NPAT: variants seen among roughly 807,000 people sequenced by gnomAD.
NPAT encodes protein NPAT.
Under a neutral mutation model 130.7 loss-of-function variants are expected in NPAT, and 52 were observed. The ratio of observed to expected loss-of-function variants is 0.40; its 90% CI spans 0.32 to 0.50. NPAT has a LOEUF of 0.50. Ranked by LOEUF, NPAT falls within the 20% of genes least tolerant of loss-of-function variation. The probability of loss-of-function intolerance (pLI) is 0.68; values close to 1 mark genes in which losing one functional copy is unlikely to be tolerated. For synonymous variants in NPAT, 580 were observed against 584.8 expected, an observed-to-expected ratio of 0.99 and a Z score of 0.12; for missense variants, 1,687 against 1,662.6, an observed-to-expected ratio of 1.01 and a Z score of -0.26.
chr11:108,166,695 T>C (rs1231919130), intron 15 of NPAT, among the ~76,000 whole-genome samples: 1 of 152,218 alleles, frequency 6.6e-6, no homozygotes, highest in Admixed American at 6.5e-5. Context: ...ACTGTGGCTC[T>C]GCAATATTTT....
At chr11:108,159,752 T>C (rs978746803) in intron 17 of NPAT, among the ~76,000 whole-genome samples, 4 of 152,156 alleles carry the variant, frequency 2.6e-5, no homozygotes, top group African/African-American at 9.7e-5. Context: ...GGCTCATGCT[T>C]GTAATCCCAG....
At chr11:108,171,396 TAC>T (rs2077949669) in intron 13 of NPAT, 1 of 151,900 alleles carries the variant, frequency 6.6e-6, no homozygotes, top group Non-Finnish European at 1.5e-5. Flanking sequence ...GTGCTGGGAT[TAC>T]AGTCATGAGC....
At chr11:108,169,892 AG>A (rs751580411) in intron 14 of NPAT, 35 bp downstream of exon 14, 1 of 1,609,702 alleles carries the variant, frequency 6.2e-7, no homozygotes, top group South Asian at 1.1e-5. Flanking sequence ...AAGCTTGAAA[AG>A]CATCACCACA....
In NPAT at chr11:108,222,500, C is replaced by A; in HGVS notation, c.37G>T (p.Gly13Cys). ...CCCTCCATCCCGCGTCCGCGCTTACCCAATACAAGCCGGGCTACGTCCGAG... is the reference window on the plus strand; with the variant it reads ...CCCTCCATCCCGCGTCCGCGCTTACACAATACAAGCCGGGCTACGTCCGAG... ...LPSDVARLVL[G>C]YLQQENLIST... Residue 13 changes from glycine (G) to cysteine (C), a missense_variant and splice_region_variant, in exon 1 of 18, where the codon GGT becomes TGT. By Grantham distance (159) the Gly-to-Cys change is radical. Transcript: ENST00000278612. The A allele has an allele frequency of 6.2e-7, 1 of 1,613,772 alleles. No individual in the cohort carries two copies. Among genetic ancestry groups the A allele is most frequent in the Non-Finnish European group, 8.5e-7 (1 of 1,179,848 alleles).
chr11:108,202,429 C>T (rs2078283287), intron 1 of NPAT, among the ~76,000 whole-genome samples: 1 of 152,126 alleles, frequency 6.6e-6, no homozygotes, highest in African/African-American at 2.4e-5. Context: ...CCTCAATATT[C>T]TCCTGTGGAA....
intron 1 of NPAT, among the ~76,000 whole-genome samples, chr11:108,211,207 A>G (rs1034763175): frequency 2.0e-5 from 3 of 151,396 alleles, no homozygotes; most frequent in African/African-American, 7.3e-5. Context: ...AGAGTGAGAC[A>G]CCGTCTAAAA....
chr11:108,214,119 C>T (rs2134900562), intron 1 of NPAT, among the ~76,000 whole-genome samples: 1 of 152,266 alleles, frequency 6.6e-6, no homozygotes, highest in East Asian at 1.9e-4. Context: ...TGGTCTCGCT[C>T]CCCTGGCTTC....
chr11:108,205,610 C>T (rs138251697), intron 1 of NPAT, among the ~76,000 whole-genome samples: 91 of 152,252 alleles, frequency 6.0e-4, no homozygotes, highest in Non-Finnish European at 9.7e-4. Flanking sequence ...CAAACTAAAA[C>T]TTTAAAAATT....
At chr11:108,169,475 T>C (rs1331504126) in intron 15 of NPAT, among the ~76,000 whole-genome samples, 1 of 152,072 alleles carries the variant, frequency 6.6e-6, no homozygotes, top group Non-Finnish European at 1.5e-5. Flanking sequence ...TTGGGAAAAA[T>C]AGGGACTATA....
At chr11:108,186,305 T>C (rs1177802790) in intron 8 of NPAT, among the ~76,000 whole-genome samples, 177 bp downstream of exon 8, 4 of 152,142 alleles carry the variant, frequency 2.6e-5, no homozygotes, top group African/African-American at 4.8e-5. Flanking sequence ...GTGTTTGCCA[T>C]AGCACCTGGC....
intron 1 of NPAT, among the ~76,000 whole-genome samples, chr11:108,205,273 CT>C (rs2078315107): frequency 6.6e-6 from 1 of 152,132 alleles, no homozygotes; most frequent in African/African-American, 2.4e-5. Context: ...ATTTTCTTTT[CT>C]TTTTGAGACA....
In NPAT at chr11:108,161,869, C is replaced by A; in HGVS notation, c.3217G>T (p.Val1073Leu). The stretch of plus-strand genomic sequence containing the variant: ...TGGTTTGGCCCCTGCGTATTTGCCA[C>A]AGGAGCAGTAGTGCTGTCGAAACAG... ...VLCFDSTTAPVANTQGPNHKM... is the reference protein window; with the variant it reads ...VLCFDSTTAPLANTQGPNHKM... Residue 1073 changes from valine to leucine, a missense_variant, in exon 17 of 18, where the codon GTG (valine) becomes TTG (leucine). Coordinates refer to ENST00000278612, the MANE Select transcript of NPAT (RefSeq NM_002519.3). 2 of 1,614,116 alleles carry A rather than the reference C, an allele frequency of 1.2e-6. No individual in the cohort carries two copies. The highest frequency in any genetic ancestry group is 1.7e-6 in the Non-Finnish European group (2 of 1,180,022).
intron 5 of NPAT, 32 bp downstream of exon 5, chr11:108,190,428 A>C (rs770496668): frequency 7.0e-6 from 11 of 1,577,632 alleles, no homozygotes; most frequent in Non-Finnish European, 9.6e-6. Context: ...GTTTGAAGTA[A>C]TTGTGAACAT....
chr11:108,175,997 AG>A (rs2078001980), intron 12 of NPAT, among the ~76,000 whole-genome samples: 1 of 152,190 alleles, frequency 6.6e-6, no homozygotes, highest in Non-Finnish European at 1.5e-5. Flanking sequence ...GGATGACAAG[AG>A]GGAGACCTTG....
intron 1 of NPAT, among the ~76,000 whole-genome samples, chr11:108,221,058 C>G (rs1471478612): frequency 6.6e-6 from 1 of 152,204 alleles, no homozygotes; most frequent in African/African-American, 2.4e-5. Flanking sequence ...AATACTCACA[C>G]ATCGATGTGA....
chr11:108,173,749 T>C lies in NPAT; in HGVS notation c.1235A>G (p.Asp412Gly), dbSNP rs1003376449. ...SNNHDVLRQE[D>G]QENFSQISTS... ...ACTTATTTGGGAAAAATTTTCCTGG[T>C]CTTCTTGTCTAAGCACATCATGGTT... The change falls in exon 13 of 18, where the codon GAC (aspartate) becomes GGC (glycine). Residue 412 changes from aspartate to glycine, a missense_variant. Physicochemically the swap from Asp to Gly is moderately conservative, Grantham distance 94. Transcript: ENST00000278612. 7 of 1,614,034 alleles carry C rather than the reference T, an allele frequency of 4.3e-6. No homozygotes were observed. The highest frequency in any genetic ancestry group is 5.9e-6 in the Non-Finnish European group (7 of 1,180,022).
intron 1 of NPAT, among the ~76,000 whole-genome samples, chr11:108,205,665 T>C (rs1161908350): frequency 6.6e-6 from 1 of 152,134 alleles, no homozygotes. Flanking sequence ...TGCTAGCAGA[T>C]TTTCCCTGTA....
Position 108,207,596 on chromosome 11 carries a change from C to T in NPAT, c.38-10176G>A, listed in dbSNP as rs139920757. The stretch of plus-strand genomic sequence containing the variant: ...GTGTTGGTGCTGCCCCTAGTGTGCA[C>T]ACACCCAGCCAGGTCCCGACAGCAG... On this transcript the variant is annotated intron_variant, in intron 1 of 17. Coordinates refer to ENST00000278612, the MANE Select transcript of NPAT (RefSeq NM_002519.3). Among the ~76,000 whole-genome samples, 986 of 152,380 alleles carry T rather than the reference C, an allele frequency of 6.5e-3. 12 individuals are homozygous for T. Among genetic ancestry groups the T allele is most frequent in the African/African-American group, 0.022 (936 of 41,600 alleles).
intron 1 of NPAT, among the ~76,000 whole-genome samples, chr11:108,213,721 T>C (rs1239936305): frequency 6.6e-6 from 1 of 152,192 alleles, no homozygotes; most frequent in Non-Finnish European, 1.5e-5. Flanking sequence ...GAAGAAAAAG[T>C]TGAAGCACTT....
Sources: gnomAD v4.1 joint callset for allele counts (sites outside exome capture counted in the v4.1 genomes callset) on GRCh38, gnomAD v4.1.1 for gene constraint, MANE v1.5 for transcripts, NCBI Gene and HGNC (gene_info 2026-07-23, HGNC 2026-07-21) for gene names.